Variants in TAMM41 observed in about 807,000 individuals in gnomAD.
TAMM41 encodes the protein TAM41 mitochondrial translocator assembly and maintenance homolog.
In TAMM41, 36 loss-of-function variants were observed where a neutral mutation model predicts 44.1. The observed-to-expected ratio is 0.82, with a 90% CI of 0.63 to 1.08. TAMM41 has a LOEUF of 1.08. Among genes scored for constraint, TAMM41 ranks in the 50% least tolerant of loss-of-function variants. TAMM41 has a pLI of 0.00. For synonymous variants in TAMM41, 164 were observed against 153.1 expected (o/e 1.07, Z -0.53); for missense variants, 417 against 404.3 (o/e 1.03, Z -0.27).
intron 4 of TAMM41, among the ~76,000 whole-genome samples, chr3:11,824,357 ATTTTTT>A (rs34155955): frequency 9.5e-6 from 1 of 105,132 alleles, no homozygotes; most frequent in Non-Finnish European, 1.9e-5. Flanking sequence ...TGCCTGGCTA[ATTTTTT>A]TTTTTTTTTT....
rs143488917 is a variant in TAMM41, at chr3:11,794,232, G to C, written c.938-3651C>G. On this transcript the variant is annotated intron_variant, in intron 7 of 7. Transcript: ENST00000455809. The stretch of plus-strand genomic sequence containing the variant: ...GCTCACTGGAGCCTCGATCTTCTGG[G>C]CTCAAGAGATCCTCTCTCCTCATCT... Among the ~76,000 whole-genome samples the C allele has an allele frequency of 5.1e-3, 780 of 151,934 alleles. 3 individuals carry two copies. Among genetic ancestry groups the C allele is most frequent in the Admixed American group, 6.8e-3 (104 of 15,264 alleles).
At chr3:11,768,671 C>A in the TAMM41 span, among the ~76,000 whole-genome samples, 1 of 152,226 alleles carries the variant, frequency 6.6e-6, no homozygotes, top group African/African-American at 2.4e-5. Context: ...GTCCTCCTGG[C>A]ACTTTTGTAA....
the TAMM41 span, among the ~76,000 whole-genome samples, chr3:11,742,435 G>A: frequency 1.0e-4 from 15 of 150,146 alleles, 1 homozygote; most frequent in South Asian, 2.1e-4. Context: ...TCCTTTTGTC[G>A]CGGAGGAATC....
At chr3:11,729,538 C>CTTTCTTT in the TAMM41 span, among the ~76,000 whole-genome samples, 1 of 65,540 alleles carries the variant, frequency 1.5e-5, no homozygotes, top group African/African-American at 5.3e-5. Context: ...TTCTTTCTTT[C>CTTTCTTT]ATTTTTTTTT....
intron 5 of TAMM41, among the ~76,000 whole-genome samples, chr3:11,815,514 G>A (rs951056373): frequency 2.0e-5 from 3 of 152,194 alleles, no homozygotes; most frequent in Non-Finnish European, 4.4e-5. Context: ...AAACAAAGTT[G>A]TACAGGAAAA....
chr3:11,729,538 C>CTTT, the TAMM41 span, among the ~76,000 whole-genome samples: 31 of 65,522 alleles, frequency 4.7e-4, 5 homozygotes, highest in African/African-American at 1.5e-3. Context: ...TTCTTTCTTT[C>CTTT]ATTTTTTTTT....
chr3:11,773,503 G>A, the TAMM41 span, among the ~76,000 whole-genome samples: 2 of 152,004 alleles, frequency 1.3e-5, no homozygotes, highest in African/African-American at 4.8e-5. Context: ...TTACAGGCGT[G>A]AGCCACCGTG....
At chr3:11,785,672 T>C (rs6442286), downstream of TAMM41, among the ~76,000 whole-genome samples, 115,239 of 151,918 alleles carry the variant, frequency 0.76, 44,244 homozygotes, top group East Asian at 0.98. Context: ...TGGCGTGCAG[T>C]GCCACGATCT....
chr3:11,805,078 A>G (rs1038851722), intron 7 of TAMM41, among the ~76,000 whole-genome samples: 1 of 134,080 alleles, frequency 7.5e-6, no homozygotes, highest in Non-Finnish European at 1.5e-5. Context: ...ATCTTGGCTC[A>G]CTGCAACTTC....
At chr3:11,728,728 G>A in the TAMM41 span, among the ~76,000 whole-genome samples, 19 of 152,182 alleles carry the variant, frequency 1.2e-4, no homozygotes, top group Non-Finnish European at 7.3e-5. Context: ...TGACAGGGAG[G>A]CCAGGCACGG....
the TAMM41 span, among the ~76,000 whole-genome samples, chr3:11,779,142 C>T: frequency 7.9e-5 from 12 of 152,154 alleles, no homozygotes; most frequent in Admixed American, 6.6e-5. Flanking sequence ...TGGCACCCGC[C>T]TTTTCCAGCT....
At chr3:11,777,283 C>T in the TAMM41 span, among the ~76,000 whole-genome samples, 3 of 151,772 alleles carry the variant, frequency 2.0e-5, no homozygotes, top group Non-Finnish European at 2.9e-5. Flanking sequence ...TCAATAAAGC[C>T]GGAAGAGGAA....
chr3:11,845,008 A>C, intron 1 of TAMM41: 1 of 456,544 alleles, frequency 2.2e-6, no homozygotes, highest in Non-Finnish European at 4.4e-6. Flanking sequence ...CACTGGGGGA[A>C]GCACAGGGAA....
intron 7 of TAMM41, among the ~76,000 whole-genome samples, chr3:11,791,008 T>C (rs904571138): frequency 2.2e-4 from 34 of 152,228 alleles, no homozygotes; most frequent in African/African-American, 8.0e-4. Context: ...TGACAAATGC[T>C]GTTCCCATCA....
At chr3:11,809,188 T>C (rs2078012379) in intron 6 of TAMM41, 2 of 343,706 alleles carry the variant, frequency 5.8e-6, no homozygotes, top group Non-Finnish European at 1.1e-5. Flanking sequence ...ATGCCACCAA[T>C]CTCTTTTCTC....
chr3:11,826,104 T>G (rs905455311), intron 4 of TAMM41, among the ~76,000 whole-genome samples: 1 of 152,108 alleles, frequency 6.6e-6, no homozygotes, highest in Non-Finnish European at 1.5e-5. Flanking sequence ...GGAGCTAATA[T>G]AAGTGTCCAT....
chr3:11,808,183 A>T (rs934848729), intron 6 of TAMM41: 9 of 1,019,430 alleles, frequency 8.8e-6, no homozygotes, highest in Non-Finnish European at 1.1e-5. Context: ...CTGACCCTCA[A>T]AGGGCATTTT....
intron 1 of TAMM41, 148 bp downstream of exon 1, chr3:11,846,354 C>CT: frequency 1.1e-6 from 1 of 944,324 alleles, no homozygotes; most frequent in Non-Finnish European, 1.6e-6. Flanking sequence ...TGTCGTTATA[C>CT]TAGGAAGGCA....
the TAMM41 span, among the ~76,000 whole-genome samples, chr3:11,785,295 T>C: frequency 1.3e-5 from 2 of 152,162 alleles, no homozygotes; most frequent in African/African-American, 4.8e-5. Flanking sequence ...CAGCAGTTAC[T>C]GGTGGTTGTC....
Sources: allele counts gnomAD v4.1 joint callset (sites outside exome capture counted in the v4.1 genomes callset), GRCh38; gene constraint gnomAD v4.1.1; transcripts MANE v1.5; gene names NCBI Gene and HGNC (gene_info 2026-07-23, HGNC 2026-07-21).